Variants in TRIM33 observed in about 807,000 individuals in gnomAD.
The protein encoded by TRIM33 is E3 ubiquitin-protein ligase TRIM33.
Under a neutral mutation model 125.4 loss-of-function variants are expected in TRIM33, and 20 were observed. The observed-to-expected ratio is 0.16, with a 90% CI of 0.11 to 0.23. The LOEUF is 0.23. Ranked by LOEUF, TRIM33 falls within the 10% of genes least tolerant of loss-of-function variation. TRIM33 has a pLI of 1.00. For synonymous variants in TRIM33, 564 were observed against 513.9 expected (o/e 1.10, Z -1.32); for missense variants, 920 against 1,411.4 (o/e 0.65, Z 5.58).
rs977720575 is a variant in TRIM33, at chr1:114,485,423, T to C, written c.527-21035A>G. ...AGAGACCAGGCAAATCATCACTTCT[T>C]ATCCCTTTGCCTGGTATGATAAAAT... On this transcript the variant is annotated intron_variant, in intron 1 of 19. Transcript: ENST00000358465. Among the ~76,000 whole-genome samples, 24 of 152,150 alleles carry C rather than the reference T, an allele frequency of 1.6e-4. 1 individual carries two copies. The highest frequency in any genetic ancestry group is 2.8e-4 in the Non-Finnish European group (19 of 68,036).
At chr1:114,451,809 A>C (rs958963740) in intron 4 of TRIM33, among the ~76,000 whole-genome samples, 1 of 152,214 alleles carries the variant, frequency 6.6e-6, no homozygotes, top group African/African-American at 2.4e-5. Flanking sequence ...AAAGATATAC[A>C]CACAAAACAT....
intron 6 of TRIM33, among the ~76,000 whole-genome samples, chr1:114,428,203 T>C (rs1647713616): frequency 6.6e-6 from 1 of 152,242 alleles, no homozygotes; most frequent in Non-Finnish European, 1.5e-5. Context: ...ATGGTATTTA[T>C]AGCATAAGGA....
At chr1:114,486,607 T>C (rs894424010) in intron 1 of TRIM33, among the ~76,000 whole-genome samples, 3 of 110,146 alleles carry the variant, frequency 2.7e-5, no homozygotes, top group South Asian at 2.8e-4. Context: ...ATGGGCTCAA[T>C]AGACAAGAGA....
At chr1:114,473,631 A>T (rs1650792983) in intron 1 of TRIM33, among the ~76,000 whole-genome samples, 1 of 152,150 alleles carries the variant, frequency 6.6e-6, no homozygotes, top group African/African-American at 2.4e-5. Context: ...GGAGCATGTG[A>T]TCGAAAAAGA....
At chr1:114,479,173 T>A (rs1651150652) in intron 1 of TRIM33, among the ~76,000 whole-genome samples, 1 of 151,892 alleles carries the variant, frequency 6.6e-6, no homozygotes, top group Non-Finnish European at 1.5e-5. Context: ...CAGAAACCAG[T>A]AGAACAATGT....
At chr1:114,451,569 T>G (rs529229325) in intron 4 of TRIM33, among the ~76,000 whole-genome samples, 1 of 152,214 alleles carries the variant, frequency 6.6e-6, no homozygotes, top group Non-Finnish European at 1.5e-5. Context: ...TATAGCTGCT[T>G]TCCTTTTTCA....
At chr1:114,506,938 T>A (rs1653039436) in intron 1 of TRIM33, among the ~76,000 whole-genome samples, 1 of 152,178 alleles carries the variant, frequency 6.6e-6, no homozygotes, top group Admixed American at 6.5e-5. Flanking sequence ...CCAAATCAAC[T>A]AAACCAGTCT....
chr1:114,511,104 C>A lies in TRIM33; in HGVS notation c.-28G>T. Reference sequence around the variant, plus strand: ...TTTCCTCTTTGAACCCGCCGGACCGCCCCGCGCCGCCCGCCGCCCGCGTCG... The same window carrying A: ...TTTCCTCTTTGAACCCGCCGGACCGACCCGCGCCGCCCGCCGCCCGCGTCG... On this transcript the variant is annotated 5_prime_UTR_variant, in exon 1 of 20. Coordinates refer to ENST00000358465, the MANE Select transcript of TRIM33 (RefSeq NM_015906.4). The A allele has an allele frequency of 8.7e-7, 1 of 1,147,948 alleles. No individual in the cohort carries two copies. The highest frequency in any genetic ancestry group is 1.1e-6 in the Non-Finnish European group (1 of 937,460). 71.1% of individuals were successfully genotyped at this position (1,147,948 alleles called of 1,614,324 possible). A position where few individuals can be genotyped will look rare whatever the true frequency, so the allele number is the denominator to read the frequency against.
intron 4 of TRIM33, among the ~76,000 whole-genome samples, chr1:114,450,546 A>C (rs1460468150): frequency 6.6e-6 from 1 of 151,876 alleles, no homozygotes; most frequent in Non-Finnish European, 1.5e-5. Flanking sequence ...GGAAACTAAA[A>C]ATTTACTAGA....
chr1:114,420,912 T>C (rs139276404), intron 11 of TRIM33, among the ~76,000 whole-genome samples: 88 of 152,320 alleles, frequency 5.8e-4, no homozygotes, highest in Non-Finnish European at 1.1e-3. Context: ...TCAGAGAAAT[T>C]ATCTGCACTC....
chr1:114,498,126 C>CAAA (rs71090785), intron 1 of TRIM33, among the ~76,000 whole-genome samples: 1,312 of 73,890 alleles, frequency 0.018, 46 homozygotes, highest in African/African-American at 0.044. Context: ...GACTCTGTCT[C>CAAA]AAAAAAAAAA....
chr1:114,420,263 T>C, intron 11 of TRIM33: 2 of 482,664 alleles, frequency 4.1e-6, no homozygotes, highest in Non-Finnish European at 8.1e-6. Context: ...TCTCCATCAT[T>C]TCCCCCTCTC....
At chr1:114,426,522 TAAAA>T (rs67267317) in intron 8 of TRIM33, among the ~76,000 whole-genome samples, 1 of 143,502 alleles carries the variant, frequency 7.0e-6, no homozygotes, top group Non-Finnish European at 1.6e-5. Context: ...TTTTTTTTTT[TAAAA>T]AAAAAGGGCA....
chr1:114,429,666 G>A (rs1647821166), intron 6 of TRIM33, among the ~76,000 whole-genome samples: 1 of 150,878 alleles, frequency 6.6e-6, no homozygotes, highest in Non-Finnish European at 1.5e-5. Context: ...TGAGGTTAAT[G>A]GAAATAATCA....
intron 1 of TRIM33, among the ~76,000 whole-genome samples, chr1:114,480,681 G>A (rs755690150): frequency 1.3e-5 from 2 of 151,956 alleles, no homozygotes; most frequent in Non-Finnish European, 2.9e-5. Context: ...CTAGCAAAAT[G>A]GCATACCTAA....
In TRIM33 at chr1:114,510,844, G is replaced by A. The variant is rs554959891; in HGVS notation, c.233C>T (p.Ala78Val). 1.4e-4 allele frequency: 205 copies of A among 1,494,418 alleles called. No homozygotes were observed. The highest frequency in any genetic ancestry group is 2.3e-4 in the Middle Eastern group (1 of 4,278). The allele number at this position is 1,494,418 out of a possible 1,614,324, so 92.6% of individuals were successfully genotyped here. The change falls in exon 1 of 20, where the codon GCT becomes GTT. Residue 78 changes from alanine to valine, a missense_variant. Ala to Val is a moderately conservative substitution (Grantham distance 64, BLOSUM62 0). This residue lies in a region of TRIM33 where 233 missense variants were observed against 189.6 expected (regional missense o/e 1.23). Coordinates refer to ENST00000358465, the MANE Select transcript of TRIM33 (RefSeq NM_015906.4). ...AAASSGSAQA[A>V]SSPAASVGTG... ...GCCCACTGAGGCCGCAGGAGATGAA[G>A]CAGCCTGGGCCGAGCCCGAGGAGGC...
At chr1:114,411,980 AT>A (rs1310164372) in intron 11 of TRIM33, among the ~76,000 whole-genome samples, 1 of 152,248 alleles carries the variant, frequency 6.6e-6, no homozygotes. Context: ...CAATAGGAAA[AT>A]GAGCAAAGAT....
chr1:114,463,370 T>C (rs1210397287), intron 3 of TRIM33, 42 bp downstream of exon 3: 4 of 1,584,494 alleles, frequency 2.5e-6, no homozygotes, highest in Non-Finnish European at 3.4e-6. Context: ...AAGAAGGAGG[T>C]TAACTGTAAT....
chr1:114,427,340 T>C (rs1166708088), intron 7 of TRIM33, 46 bp from the exon 8 acceptor site: 2 of 1,011,028 alleles, frequency 2.0e-6, no homozygotes, highest in Non-Finnish European at 3.0e-6. Context: ...TAAATATCAA[T>C]TGGGAAATCA....
Sources: gnomAD v4.1 joint callset for allele counts (sites outside exome capture counted in the v4.1 genomes callset) on GRCh38, gnomAD v4.1.1 for gene constraint, gnomAD v4.1.1 regional missense constraint, MANE v1.5 for transcripts, NCBI Gene and HGNC (gene_info 2026-07-23, HGNC 2026-07-21) for gene names.